The following SPSB1 variants were observed in gnomAD, a reference collection of about 807,000 sequenced individuals.
SPSB1 encodes the protein SPRY domain-containing SOCS box protein 1.
In SPSB1, 8 loss-of-function variants were observed where a neutral mutation model predicts 21.2. The observed-to-expected ratio is 0.38, with a 90% CI of 0.22 to 0.68. SPSB1 has a LOEUF of 0.68. SPSB1 is among the 30% of genes least tolerant of loss of function. SPSB1 has a pLI of 0.53. For missense variants in SPSB1, 242 were observed against 377.8 expected, an observed-to-expected ratio of 0.64 and a Z score of 2.98; for synonymous variants, 169 against 161.7, an observed-to-expected ratio of 1.05 and a Z score of -0.34.
chr1:9,293,134 CGGGGGGCCGGGCGA>C lies in SPSB1; in HGVS notation c.-150+67_-150+80del. On this transcript the variant is annotated intron_variant, in intron 1 of 2. Transcript: ENST00000328089. This position sits in a 1 kb window ranked among gnomAD's most constrained non-coding sequence, Gnocchi z 5.1. ...GCGACCGGCCCGGGAGGGGGAGGCG[CGGGGGGCCGGGCGA>C]GGGCGGACGCGGGGATCGCGCCGCT... 5 of 973,288 alleles carry C rather than the reference CGGGGGGCCGGGCGA, an allele frequency of 5.1e-6. No homozygotes were observed. Among genetic ancestry groups the C allele is most frequent in the Non-Finnish European group, 6.1e-6 (5 of 821,612 alleles). 60.3% of individuals were successfully genotyped at this position (973,288 alleles called of 1,614,324 possible). A position where few individuals can be genotyped will look rare whatever the true frequency, so the allele number is the denominator to read the frequency against.
rs912051784 is a variant in SPSB1, at chr1:9,339,434, G to T, written c.-149-16309G>T. The stretch of plus-strand genomic sequence containing the variant: ...TTCCGGGGCGAGTCTGGAGGCGACG[G>T]AGAGGTGCTCTGAGACGGCTGCAGT... On this transcript the variant is annotated intron_variant, in intron 1 of 2. Transcript: ENST00000328089. Among the ~76,000 whole-genome samples, 3 of 152,196 alleles carry T rather than the reference G, an allele frequency of 2.0e-5. No individual in the cohort carries two copies. In the East Asian group the frequency reaches 5.8e-4, roughly 29 times the overall value.
Position 9,363,730 on chromosome 1 carries a change from C to T in SPSB1, c.695-3718C>T, listed in dbSNP as rs1569666178. On this transcript the variant is annotated intron_variant, in intron 2 of 2. Coordinates refer to ENST00000328089, the MANE Select transcript of SPSB1 (RefSeq NM_025106.4). The surrounding 1 kb of genome is among the most constrained non-coding windows in gnomAD (Gnocchi z 4.5). ...TTTTTTTTTTTTGGAGATGGAGTCT[C>T]ATTCTGTCACCCAGGCTGTAGTGCA... Among the ~76,000 whole-genome samples the T allele has an allele frequency of 6.6e-6, 1 of 151,862 alleles. No individual in the cohort carries two copies. Among genetic ancestry groups the T allele is most frequent in the Non-Finnish European group, 1.5e-5 (1 of 67,976 alleles).
intron 1 of SPSB1, among the ~76,000 whole-genome samples, chr1:9,325,505 C>G (rs1190845375): frequency 6.6e-6 from 1 of 152,204 alleles, no homozygotes; most frequent in Admixed American, 6.5e-5. Context: ...CTAGGCCCTG[C>G]TTCTATGGGA....
At chr1:9,298,760 C>G (rs1408292933) in intron 1 of SPSB1, among the ~76,000 whole-genome samples, 1 of 152,112 alleles carries the variant, frequency 6.6e-6, no homozygotes, top group Non-Finnish European at 1.5e-5. Context: ...CCTGGTGGCT[C>G]CCGTGGATCC....
chr1:9,336,656 C>T (rs550815755), intron 1 of SPSB1, among the ~76,000 whole-genome samples: 3 of 152,336 alleles, frequency 2.0e-5, no homozygotes, highest in East Asian at 3.9e-4. Context: ...CCTGAGTTCA[C>T]CCGTGGCGCT....
chr1:9,308,288 C>T (rs1250880422), intron 1 of SPSB1, among the ~76,000 whole-genome samples: 3 of 152,172 alleles, frequency 2.0e-5, no homozygotes, highest in African/African-American at 7.2e-5. Context: ...GGCCATTTGC[C>T]CTGGGCCCAT....
At chr1:9,344,689 AG>A (rs1258010432) in intron 1 of SPSB1, among the ~76,000 whole-genome samples, 2 of 151,992 alleles carry the variant, frequency 1.3e-5, no homozygotes, top group African/African-American at 4.8e-5. Context: ...TTATTCCCCC[AG>A]GTGGTTTGAG....
At chr1:9,343,616 C>T (rs510666) in intron 1 of SPSB1, among the ~76,000 whole-genome samples, 2,155 of 152,264 alleles carry the variant, frequency 0.014, 40 homozygotes, top group Middle Eastern at 0.051. Context: ...CTAAACACAG[C>T]GACATTTTCA....
rs1027011332 is a variant in SPSB1 at position 9,346,730 on chromosome 1, A to G, written c.-149-9013A>G. Among the ~76,000 whole-genome samples the G allele has an allele frequency of 2.6e-5, 4 of 152,050 alleles. No homozygotes were observed. The highest frequency in any genetic ancestry group is 4.8e-5 in the African/African-American group (2 of 41,394). On this transcript the variant is annotated intron_variant, in intron 1 of 2. Transcript: ENST00000328089. The surrounding 1 kb of genome is among the most constrained non-coding windows in gnomAD (Gnocchi z 4.4). ...TCCTCCTCTTCCCTGGCGTTGGTCT[A>G]TCAGGGGTGGAACAGCCACCGGTGT...
Position 9,347,160 on chromosome 1 carries a change from G to GA in SPSB1, c.-149-8575dup, listed in dbSNP as rs1010324468. Among the ~76,000 whole-genome samples, 12 of 151,822 alleles carry GA rather than the reference G, an allele frequency of 7.9e-5. 1 individual carries two copies. The East Asian group carries it at 1.5e-3, about 20-fold the overall frequency. On this transcript the variant is annotated intron_variant, in intron 1 of 2. Transcript: ENST00000328089. Reference sequence around the variant, plus strand: ...ATAGTGAGACCCTGTCTCTTTAAAAGAAAAAAAAGCGTTTTAAACGCCCTT... The same window carrying GA: ...ATAGTGAGACCCTGTCTCTTTAAAAGAAAAAAAAAGCGTTTTAAACGCCCTT...
intron 2 of SPSB1, among the ~76,000 whole-genome samples, chr1:9,359,017 T>C (rs1640421667): frequency 6.6e-6 from 1 of 152,142 alleles, no homozygotes; most frequent in Non-Finnish European, 1.5e-5. Context: ...CTGAAGATGT[T>C]GGGTGAGTGG....
intron 1 of SPSB1, among the ~76,000 whole-genome samples, chr1:9,340,546 C>T (rs1025578364): frequency 6.6e-5 from 10 of 152,222 alleles, no homozygotes; most frequent in African/African-American, 1.7e-4. Flanking sequence ...ATAGTGTGTT[C>T]GGCAGAGAGG....
chr1:9,298,711 AGGTCAG>A (rs1047290339), intron 1 of SPSB1, among the ~76,000 whole-genome samples: 1 of 152,178 alleles, frequency 6.6e-6, no homozygotes, highest in Non-Finnish European at 1.5e-5. Flanking sequence ...GGGCTTATGG[AGGTCAG>A]GTGATCAATG....
intron 1 of SPSB1, among the ~76,000 whole-genome samples, chr1:9,320,098 C>A (rs887558408): frequency 4.6e-5 from 7 of 152,188 alleles, no homozygotes; most frequent in African/African-American, 1.7e-4. Flanking sequence ...CCGCCAGGGA[C>A]CCCAGGTGTC....
At chr1:9,323,869 C>T (rs181320871) in intron 1 of SPSB1, among the ~76,000 whole-genome samples, 34 of 152,310 alleles carry the variant, frequency 2.2e-4, no homozygotes, top group African/African-American at 6.7e-4. Context: ...CCTTGGAACC[C>T]GAGCCTTCTC....
At chr1:9,361,129 G>T (rs1640465414) in intron 2 of SPSB1, among the ~76,000 whole-genome samples, 1 of 142,676 alleles carries the variant, frequency 7.0e-6, no homozygotes, top group African/African-American at 2.7e-5. Flanking sequence ...GGAGGCTCTG[G>T]CCAGGCATGG....
chr1:9,295,085 G>A (rs760916624), intron 1 of SPSB1, among the ~76,000 whole-genome samples: 3 of 152,174 alleles, frequency 2.0e-5, no homozygotes, highest in African/African-American at 7.2e-5. Flanking sequence ...CAGGCACTTC[G>A]TGTCTCCCCA....
At chr1:9,301,633 C>G (rs1181979192) in intron 1 of SPSB1, among the ~76,000 whole-genome samples, 5 of 152,224 alleles carry the variant, frequency 3.3e-5, no homozygotes, top group Admixed American at 3.3e-4. Flanking sequence ...TCTCGTCAGC[C>G]TCTTTCCCTG....
chr1:9,333,412 C>T (rs991409609), intron 1 of SPSB1, among the ~76,000 whole-genome samples: 50 of 149,948 alleles, frequency 3.3e-4, no homozygotes, highest in African/African-American at 1.2e-3. Flanking sequence ...CTCACTGCAA[C>T]CTCCGCCTCC....
Sources: gnomAD v4.1 joint callset for allele counts (sites outside exome capture counted in the v4.1 genomes callset) on GRCh38, gnomAD v4.1.1 for gene constraint, Gnocchi (gnomAD v3.1) non-coding constraint, MANE v1.5 for transcripts, NCBI Gene and HGNC (gene_info 2026-07-23, HGNC 2026-07-21) for gene names.